CRTAC1: variants seen among roughly 807,000 people sequenced by gnomAD.
The protein encoded by CRTAC1 is acidic secreted protein in cartilage.
A neutral mutation model predicts 67.8 loss-of-function variants in CRTAC1; 37 were observed. The ratio of observed to expected loss-of-function variants is 0.55; its 90% CI spans 0.42 to 0.72. The LOEUF is 0.72. Among genes scored for constraint, CRTAC1 ranks in the 30% least tolerant of loss-of-function variants. CRTAC1 has a pLI of 0.00. For missense variants in CRTAC1, 780 were observed against 931.6 expected (o/e 0.84, Z 2.12); for synonymous variants, 348 against 371.0 (o/e 0.94, Z 0.71).
chr10:97,874,874 T>C (rs923446489), intron 14 of CRTAC1, among the ~76,000 whole-genome samples: 2 of 152,206 alleles, frequency 1.3e-5, no homozygotes, highest in African/African-American at 4.8e-5. Flanking sequence ...ATGGCCTTGA[T>C]GTTACTCTTC....
At chr10:97,969,089 T>C (rs1358487864) in intron 2 of CRTAC1, among the ~76,000 whole-genome samples, 2 of 152,142 alleles carry the variant, frequency 1.3e-5, no homozygotes, top group Non-Finnish European at 2.9e-5. Flanking sequence ...GGGTGACAAA[T>C]TATATGGTCA....
At chr10:97,960,556 C>A (rs1358996262) in intron 2 of CRTAC1, among the ~76,000 whole-genome samples, 3 of 152,174 alleles carry the variant, frequency 2.0e-5, no homozygotes, top group Non-Finnish European at 4.4e-5. Flanking sequence ...TCATTATTCT[C>A]CCATCTATGG....
At chr10:97,892,132 C>T (rs1321590068) in intron 11 of CRTAC1, among the ~76,000 whole-genome samples, 1 of 152,124 alleles carries the variant, frequency 6.6e-6, no homozygotes, top group East Asian at 1.9e-4. Context: ...CCAGAAGGGG[C>T]TCTTGAGCCT....
At chr10:97,919,513 C>T (rs1050991149) in intron 4 of CRTAC1, among the ~76,000 whole-genome samples, 1 of 152,168 alleles carries the variant, frequency 6.6e-6, no homozygotes, top group African/African-American at 2.4e-5. Flanking sequence ...AATTTGTTCC[C>T]TACAGATTGC....
chr10:97,907,462 G>A (rs2050629203), intron 6 of CRTAC1, among the ~76,000 whole-genome samples: 1 of 152,176 alleles, frequency 6.6e-6, no homozygotes, highest in Non-Finnish European at 1.5e-5. Flanking sequence ...GGGGCCTGGG[G>A]CACTATTTTG....
intron 7 of CRTAC1, among the ~76,000 whole-genome samples, chr10:97,902,267 G>C (rs566830025): frequency 6.6e-6 from 1 of 152,370 alleles, no homozygotes; most frequent in African/African-American, 2.4e-5. Context: ...GCCTGGCACA[G>C]AGTGGGCATG....
At chr10:97,910,998 A>G (rs113516876) in intron 5 of CRTAC1, among the ~76,000 whole-genome samples, 4,440 of 152,314 alleles carry the variant, frequency 0.029, 211 homozygotes, top group African/African-American at 0.098. Flanking sequence ...ATGGAGTGGC[A>G]TGGGTGGCTT....
At chr10:97,875,788 A>G (rs2050140547) in intron 14 of CRTAC1, 1 of 152,268 alleles carries the variant, frequency 6.6e-6, no homozygotes, top group African/African-American at 2.4e-5. Flanking sequence ...GCCGAGGTCC[A>G]GTGGCACTGG....
intron 2 of CRTAC1, among the ~76,000 whole-genome samples, chr10:97,985,224 GC>G (rs1306818341): frequency 6.6e-6 from 1 of 152,178 alleles, no homozygotes. Flanking sequence ...TTGAACCATA[GC>G]TAAGCCCTGT....
At chr10:97,945,073 A>G (rs2051243021) in intron 2 of CRTAC1, among the ~76,000 whole-genome samples, 2 of 152,276 alleles carry the variant, frequency 1.3e-5, no homozygotes, top group Non-Finnish European at 2.9e-5. Flanking sequence ...AAGAAAGTAG[A>G]TAATGATGAC....
chr10:97,999,450 T>A (rs1029922498), intron 2 of CRTAC1, among the ~76,000 whole-genome samples: 1 of 152,224 alleles, frequency 6.6e-6, no homozygotes, highest in East Asian at 1.9e-4. Flanking sequence ...AGTGCTGACA[T>A]GCCAGCCGCC....
At chr10:97,892,685 G>A (rs2050395518) in intron 11 of CRTAC1, among the ~76,000 whole-genome samples, 1 of 152,208 alleles carries the variant, frequency 6.6e-6, no homozygotes, top group Admixed American at 6.5e-5. Flanking sequence ...CCAGTGCCTG[G>A]CACATACTAA....
chr10:97,923,756 C>A (rs1241201185), intron 3 of CRTAC1, among the ~76,000 whole-genome samples: 1 of 152,190 alleles, frequency 6.6e-6, no homozygotes, highest in Non-Finnish European at 1.5e-5. Flanking sequence ...TGCAATACGG[C>A]AACATCCAAA....
intron 2 of CRTAC1, among the ~76,000 whole-genome samples, chr10:97,994,325 T>C (rs1030653468): frequency 6.6e-6 from 1 of 152,108 alleles, no homozygotes; most frequent in Non-Finnish European, 1.5e-5. Context: ...AGCCTCTCCT[T>C]TGGGGCTAGG....
chr10:97,931,764 G>A (rs2051007162), intron 3 of CRTAC1, among the ~76,000 whole-genome samples: 1 of 152,202 alleles, frequency 6.6e-6, no homozygotes, highest in African/African-American at 2.4e-5. Flanking sequence ...GTTACCCCAG[G>A]CCAGCTCATG....
At chr10:97,886,563 T>TCC (rs1305214069) in intron 11 of CRTAC1, among the ~76,000 whole-genome samples, 1 of 152,046 alleles carries the variant, frequency 6.6e-6, no homozygotes, top group Non-Finnish European at 1.5e-5. Context: ...TTCTCATCAC[T>TCC]CCCTCAATCT....
At chr10:97,944,112 T>G (rs1312534429) in intron 2 of CRTAC1, among the ~76,000 whole-genome samples, 1 of 151,970 alleles carries the variant, frequency 6.6e-6, no homozygotes, top group Non-Finnish European at 1.5e-5. Flanking sequence ...AGATAACCTT[T>G]GGGGGAAAAA....
chr10:97,972,163 A>G (rs1487790593), intron 2 of CRTAC1, among the ~76,000 whole-genome samples: 1 of 152,198 alleles, frequency 6.6e-6, no homozygotes, highest in Non-Finnish European at 1.5e-5. Flanking sequence ...TGGAAGGTAC[A>G]ATGCACCACC....
chr10:97,880,503 G>A, intron 13 of CRTAC1, 111 bp from the exon 14 acceptor site: 1 of 1,349,176 alleles, frequency 7.4e-7, no homozygotes, highest in East Asian at 2.4e-5. Context: ...TCCTCGCAGA[G>A]CCTCAGTTTC....
Sources: gnomAD v4.1 joint callset for allele counts (sites outside exome capture counted in the v4.1 genomes callset) on GRCh38, gnomAD v4.1.1 for gene constraint, MANE v1.5 for transcripts, NCBI Gene and HGNC (gene_info 2026-07-23, HGNC 2026-07-21) for gene names.